Variants in PRAM1 observed in about 807,000 individuals in gnomAD.
PRAM1 encodes the protein PML-RARA regulated adaptor molecule 1, also known as PML-RARA-regulated adapter molecule 1.
A neutral mutation model predicts 55.3 loss-of-function variants in PRAM1; 41 were observed. That is an observed-to-expected ratio of 0.74 (90% CI 0.58 to 0.96). The LOEUF is 0.96. Ranked by LOEUF, PRAM1 falls within the 40% of genes least tolerant of loss-of-function variation. The probability of loss-of-function intolerance (pLI) is 0.00; values close to 1 mark genes in which losing one functional copy is unlikely to be tolerated. For missense variants in PRAM1, 898 were observed against 892.7 expected, an observed-to-expected ratio of 1.01 and a Z score of -0.08; for synonymous variants, 401 against 387.1, an observed-to-expected ratio of 1.04 and a Z score of -0.42.
Position 8,490,502 on chromosome 19 carries a change from G to GT in PRAM1, c.1913dup (p.Tyr638Ter). The GT allele has an allele frequency of 6.2e-7, 1 of 1,611,572 alleles. No individual in the cohort carries two copies. Among genetic ancestry groups the GT allele is most frequent in the Non-Finnish European group, 8.5e-7 (1 of 1,179,066 alleles). The change falls in exon 8 of 10, where the codon TAC becomes TAAC. Residue 638 changes from tyrosine to a stop codon, truncating the protein, a stop_gained and frameshift_variant. Coordinates refer to ENST00000423345, the MANE Select transcript of PRAM1 (RefSeq NM_032152.5). LOFTEE classifies it high-confidence loss of function. This position sits in a 1 kb window ranked among gnomAD's most constrained non-coding sequence, Gnocchi z 7.3. ...GGGGCAGGAGCGCTGTTCTGGGCAC[G>GT]TAGCCATCTGTGGAGAGAGTGGGCA... ...LCRDPKGKYG[Y>*]VPRTALLPLE...
At chr19:8,491,430 A>G (rs1971628132) in intron 4 of PRAM1, 1 of 535,716 alleles carries the variant, frequency 1.9e-6, no homozygotes. Flanking sequence ...GACAGGTTTC[A>G]CCATGTGGGC....
intron 3 of PRAM1, 30 bp from the exon 4 acceptor site, chr19:8,497,870 CTTTTTTTT>C (rs58671333): frequency 2.5e-4 from 89 of 359,018 alleles, no homozygotes; most frequent in Middle Eastern, 1.7e-3. Context: ...GAGGCCTCTT[CTTTTTTTT>C]TTTTTTTTTT....
In PRAM1 at chr19:8,502,572, G is replaced by T. The variant is rs1261968178; in HGVS notation, c.20C>A (p.Ala7Glu). The change falls in exon 1 of 10, where the codon GCA becomes GAA. Residue 7 changes from alanine to glutamate, a missense_variant. This residue lies in a region of PRAM1 where 79 missense variants were observed against 93.4 expected (regional missense o/e 0.85). Transcript: ENST00000423345. Reference protein sequence around the residue: MAHHLPAAMESHQDFRS... With the variant: MAHHLPEAMESHQDFRS... ...GCCTCTTCCAGCACTCACCATGGCT[G>T]CAGGCAGGTGATGGGCCATGGGATG... 9.0e-6 allele frequency: 14 copies of T among 1,549,620 alleles called. No homozygotes were observed. The highest frequency in any genetic ancestry group is 1.1e-5 in the Non-Finnish European group (13 of 1,148,160).
intron 4 of PRAM1, chr19:8,491,561 T>A (rs1448323269): frequency 7.6e-5 from 23 of 304,010 alleles, no homozygotes; most frequent in Non-Finnish European, 3.2e-5. Flanking sequence ...AAGGCCTCCC[T>A]GTGTCAGTTC....
chr19:8,500,331 C>A (rs1043691557), intron 1 of PRAM1, among the ~76,000 whole-genome samples: 2 of 151,998 alleles, frequency 1.3e-5, no homozygotes, highest in Admixed American at 1.3e-4. Flanking sequence ...CTTCTCACTG[C>A]CTTCACCACT....
chr19:8,491,163 G>T lies in PRAM1; in HGVS notation c.1577-6C>A. ...CTGAACTGAGGGCGCTTCATCTGGG[G>T]ACAGTCAGGACTCCGAGTCAAGGCA... is the stretch of plus-strand genomic sequence containing the variant. On this transcript the variant is annotated splice_region_variant and splice_polypyrimidine_tract_variant and intron_variant, in intron 4 of 9. Transcript: ENST00000423345. The T allele has an allele frequency of 6.2e-7, 1 of 1,609,106 alleles. No individual in the cohort carries two copies. Among genetic ancestry groups the T allele is most frequent in the Non-Finnish European group, 8.5e-7 (1 of 1,179,228 alleles).
chr19:8,499,913 TC>T, intron 1 of PRAM1, 133 bp from the exon 2 acceptor site: 1 of 717,236 alleles, frequency 1.4e-6, no homozygotes, highest in Non-Finnish European at 2.2e-6. Flanking sequence ...CTCAGCTCTT[TC>T]CCAGGAGCCC....
rs1172440058 is a variant in PRAM1, at chr19:8,498,701, G to A, written c.1107C>T (p.His369=). ...QPEPSAVLKR[H]PQPEFFGDLP... is the part of the protein sequence containing the mutation. ...GATCACCGAAGAACTCAGGCTGCGG[G>A]TGTCTCTTGAGGACAGCGCTGGGCT... The change falls in exon 2 of 10, where the codon CAC becomes CAT. Residue 369 remains histidine (H), a synonymous_variant. Transcript: ENST00000423345. The A allele has an allele frequency of 2.5e-6, 4 of 1,600,316 alleles. No individual in the cohort carries two copies. Among genetic ancestry groups the A allele is most frequent in the Non-Finnish European group, 3.4e-6 (4 of 1,174,148 alleles).
intron 1 of PRAM1, among the ~76,000 whole-genome samples, chr19:8,502,100 T>C (rs1971813785): frequency 6.6e-6 from 1 of 152,132 alleles, no homozygotes; most frequent in African/African-American, 2.4e-5. Flanking sequence ...GGGCCTGAAG[T>C]GCCCCTGTCA....
intron 4 of PRAM1, among the ~76,000 whole-genome samples, chr19:8,496,888 C>T (rs1307217055): frequency 2.6e-5 from 4 of 151,750 alleles, no homozygotes; most frequent in African/African-American, 7.3e-5. Context: ...TAGCTGGGCG[C>T]GGTGGTGGGT....
chr19:8,494,626 A>AT (rs1194135218), intron 4 of PRAM1, among the ~76,000 whole-genome samples: 4 of 131,654 alleles, frequency 3.0e-5, no homozygotes, highest in South Asian at 2.6e-4. Context: ...TTGCGTACCT[A>AT]TTTTTTTTTC....
chr19:8,499,369 C>A lies in PRAM1; in HGVS notation c.439G>T (p.Glu147Ter). 6.2e-7 allele frequency: 1 copy of A among 1,613,028 alleles called. No homozygotes were observed. Among genetic ancestry groups the A allele is most frequent in the Admixed American group, 1.7e-5 (1 of 59,986 alleles). The change falls in exon 2 of 10, where the codon GAG becomes TAG. Residue 147 changes from glutamate to a stop codon, truncating the protein, a stop_gained. Transcript: ENST00000423345. LOFTEE classifies it high-confidence loss of function. The part of the protein sequence containing the change: ...TPFPRKPLQP[E>*]VGEAPLKASL... ...GCCTTCAAAGGGGCCTCACCGACCT[C>A]AGGCTGCAGGGGCTTCCTTGGAAAC...
intron 4 of PRAM1, among the ~76,000 whole-genome samples, chr19:8,492,394 T>G (rs946761506): frequency 1.8e-4 from 27 of 151,760 alleles, no homozygotes; most frequent in African/African-American, 5.6e-4. Flanking sequence ...GTAGCTGGGA[T>G]TATAAGCACC....
In PRAM1 at chr19:8,498,984, T is replaced by A; in HGVS notation, c.824A>T (p.Gln275Leu). Residue 275 changes from glutamine (Q) to leucine (L), a missense_variant, in exon 2 of 10, where the codon CAG becomes CTG. Physicochemically the swap from Gln to Leu is moderately radical, Grantham distance 113. Transcript: ENST00000423345. ...CTTGGGAAAGTCACTCAGCGGAGGC[T>A]GGGAGGCCTTTTTGGGAAAGGCGCT... is the stretch of plus-strand genomic sequence containing the variant. ...DSSAFPKKASQPPLSDFPKKP... is the reference protein window; with the variant it reads ...DSSAFPKKASLPPLSDFPKKP... 6.2e-7 allele frequency: 1 copy of A among 1,613,796 alleles called. No individual in the cohort carries two copies. Among genetic ancestry groups the A allele is most frequent in the Non-Finnish European group, 8.5e-7 (1 of 1,179,802 alleles).
chr19:8,496,363 G>C (rs1971699083), intron 4 of PRAM1, among the ~76,000 whole-genome samples: 2 of 151,854 alleles, frequency 1.3e-5, no homozygotes. Flanking sequence ...GCAGTGAGCT[G>C]AGATGGCACC....
chr19:8,496,958 G>A (rs764080875), intron 4 of PRAM1, among the ~76,000 whole-genome samples: 13 of 151,710 alleles, frequency 8.6e-5, no homozygotes, highest in Non-Finnish European at 1.8e-4. Flanking sequence ...CCCGGGAGGC[G>A]GAGCTTGCAG....
At position 8,491,562 on chromosome 19, in the gene PRAM1, G is replaced by T. The variant is rs553268825; in HGVS notation, c.1577-405C>A. On this transcript the variant is annotated intron_variant, in intron 4 of 9. Transcript: ENST00000423345. The stretch of plus-strand genomic sequence containing the variant: ...GCTGGATCTTGAGTAAGGCCTCCCT[G>T]TGTCAGTTCTGAGGACTCCCCAAAT... 7.2e-4 allele frequency: 216 copies of T among 301,610 alleles called. 1 individual carries two copies. The highest frequency in any genetic ancestry group is 4.5e-3 in the African/African-American group (206 of 45,492). 18.7% of individuals were successfully genotyped at this position (301,610 alleles called of 1,614,324 possible). A position where few individuals can be genotyped will look rare whatever the true frequency, so the allele number is the denominator to read the frequency against.
At chr19:8,497,032 T>A (rs1466108153) in intron 4 of PRAM1, among the ~76,000 whole-genome samples, 2 of 151,676 alleles carry the variant, frequency 1.3e-5, no homozygotes, top group Non-Finnish European at 2.9e-5. Flanking sequence ...TCTCAAAAAA[T>A]AAATAAATAA....
At chr19:8,496,742 C>T (rs1459132194) in intron 4 of PRAM1, among the ~76,000 whole-genome samples, 1 of 150,830 alleles carries the variant, frequency 6.6e-6, no homozygotes, top group Admixed American at 6.6e-5. Flanking sequence ...AAAACGAATA[C>T]ATAAATAAAT....
Sources: gnomAD v4.1 joint callset for allele counts (sites outside exome capture counted in the v4.1 genomes callset) on GRCh38, gnomAD v4.1.1 for gene constraint, gnomAD v4.1.1 regional missense constraint, Gnocchi (gnomAD v3.1) non-coding constraint, MANE v1.5 for transcripts, NCBI Gene and HGNC (gene_info 2026-07-23, HGNC 2026-07-21) for gene names.